Variants in RNF38 observed in about 807,000 individuals in gnomAD.
RNF38 encodes the protein ring finger protein 38, also known as E3 ubiquitin-protein ligase RNF38.
A neutral mutation model predicts 67.2 loss-of-function variants in RNF38; 15 were observed. The observed-to-expected ratio is 0.22, with a 90% confidence interval of 0.15 to 0.34. RNF38 has a LOEUF of 0.34. Ranked by LOEUF, RNF38 falls within the 10% of genes least tolerant of loss-of-function variation. The pLI is 1.00. For synonymous variants in RNF38, 220 were observed against 218.8 expected, an observed-to-expected ratio of 1.01 and a Z score of -0.05; for missense variants, 524 against 639.9, an observed-to-expected ratio of 0.82 and a Z score of 1.95.
intron 3 of RNF38, among the ~76,000 whole-genome samples, chr9:36,375,386 C>G (rs1835713266): frequency 6.6e-6 from 1 of 152,078 alleles, no homozygotes; most frequent in African/African-American, 2.4e-5. Flanking sequence ...GAGACAGGGT[C>G]TTGCTATGTT....
At chr9:36,487,591 G>T (rs1486110388), upstream of RNF38, 10 of 980,274 alleles carry the variant, frequency 1.0e-5, no homozygotes, top group Admixed American at 6.3e-5. Flanking sequence ...CTCCGGCTGC[G>T]ACTCGACTCC....
chr9:36,398,386 T>C (rs1405073944), intron 1 of RNF38, among the ~76,000 whole-genome samples: 5 of 152,114 alleles, frequency 3.3e-5, no homozygotes, highest in Non-Finnish European at 7.4e-5. Context: ...AGGGACAACA[T>C]AGCAAAACCC....
intron 2 of RNF38, among the ~76,000 whole-genome samples, chr9:36,382,179 T>TA (rs537847619): frequency 8.1e-4 from 124 of 152,342 alleles, no homozygotes; most frequent in African/African-American, 3.0e-3. Flanking sequence ...GTTGACAATT[T>TA]AAAATTCATA....
chr9:36,466,051 C>T (rs769001168), intron 1 of RNF38, among the ~76,000 whole-genome samples: 8 of 151,926 alleles, frequency 5.3e-5, no homozygotes, highest in Non-Finnish European at 1.2e-4. Context: ...GACTCTGTCT[C>T]GTGAAAAAGT....
At chr9:36,433,686 CAAAAAAAA>C (rs199573932) in intron 1 of RNF38, among the ~76,000 whole-genome samples, 4 of 68,846 alleles carry the variant, frequency 5.8e-5, no homozygotes, top group Non-Finnish European at 1.3e-4. Flanking sequence ...GACTTCGCCT[CAAAAAAAA>C]AAAAAAAAAG....
At chr9:36,437,324 G>A (rs1266405158) in intron 1 of RNF38, among the ~76,000 whole-genome samples, 2 of 152,118 alleles carry the variant, frequency 1.3e-5, no homozygotes, top group African/African-American at 4.8e-5. Flanking sequence ...GATGATGCAA[G>A]TGAGCCTAAA....
At chr9:36,435,395 G>T (rs1356402661) in intron 1 of RNF38, among the ~76,000 whole-genome samples, 1 of 152,120 alleles carries the variant, frequency 6.6e-6, no homozygotes. Context: ...ATTTTTAAAT[G>T]AGATGTGACC....
chr9:36,375,248 T>C (rs1245798901), intron 3 of RNF38, among the ~76,000 whole-genome samples: 1 of 152,188 alleles, frequency 6.6e-6, no homozygotes, highest in Non-Finnish European at 1.5e-5. Flanking sequence ...TAGAGTGCAG[T>C]GGAACAATCA....
At chr9:36,436,818 CAAAAAAAAAA>C (rs35428713) in intron 1 of RNF38, among the ~76,000 whole-genome samples, 1 of 80,344 alleles carries the variant, frequency 1.2e-5, no homozygotes, top group Non-Finnish European at 2.4e-5. Flanking sequence ...CGAGACTCCT[CAAAAAAAAAA>C]AAAAAAAAAA....
intron 1 of RNF38, among the ~76,000 whole-genome samples, chr9:36,438,103 A>G (rs565789652): frequency 9.7e-4 from 147 of 152,200 alleles, no homozygotes; most frequent in African/African-American, 3.2e-3. Flanking sequence ...TACCAGGCTC[A>G]GCTAATTTTT....
At position 36,339,570 on chromosome 9, in the gene RNF38, C is replaced by A; in HGVS notation, c.*182G>T. The A allele has an allele frequency of 5.3e-6, 3 of 561,276 alleles. No homozygotes were observed. Among genetic ancestry groups the A allele is most frequent in the Non-Finnish European group, 9.6e-6 (3 of 311,754 alleles). The allele number at this position is 561,276 out of a possible 1,614,324, so 34.8% of individuals were successfully genotyped here. On this transcript the variant is annotated 3_prime_UTR_variant, in exon 12 of 12. Transcript: ENST00000259605. ...CCAATCACACGGTTAGTATAACAATCCCATAACTGTGAAGACTAATTGTAA... is the reference window on the plus strand; with the variant it reads ...CCAATCACACGGTTAGTATAACAATACCATAACTGTGAAGACTAATTGTAA...
At chr9:36,487,663 C>T, upstream of RNF38, 6 of 773,008 alleles carry the variant, frequency 7.8e-6, no homozygotes, top group Non-Finnish European at 9.4e-6. Context: ...GGAGGCGGCT[C>T]CCGAAGGGGG....
At position 36,460,885 on chromosome 9, in the gene RNF38, CAAAAAA is replaced by C. The variant is rs752827635; in HGVS notation, n.241+26417_241+26422del. On this transcript the variant is annotated intron_variant and non_coding_transcript_variant, in intron 1 of 3. Coordinates refer to the RNF38 transcript ENST00000488058. ...CTGGGCAACAAGAGGGAAACTCTCT[CAAAAAA>C]AAAAAAAAAAAAAAAGAAAGAAAGA... Among the ~76,000 whole-genome samples the C allele has an allele frequency of 1.5e-4, 8 of 52,960 alleles. No individual in the cohort carries two copies. In the South Asian group the frequency reaches 5.3e-3, roughly 35 times the overall value. The allele number at this position is 52,960 out of a possible 152,430, so 34.7% of individuals were successfully genotyped here. A position where few individuals can be genotyped will look rare whatever the true frequency, so the allele number is the denominator to read the frequency against.
chr9:36,447,174 G>A (rs1185945490), intron 1 of RNF38, among the ~76,000 whole-genome samples: 1 of 151,722 alleles, frequency 6.6e-6, no homozygotes. Flanking sequence ...GTGATTAAGT[G>A]TGGCCAAAAA....
At chr9:36,340,424 T>C (rs7037130) in intron 11 of RNF38, among the ~76,000 whole-genome samples, 254 of 152,346 alleles carry the variant, frequency 1.7e-3, no homozygotes, top group African/African-American at 6.0e-3. Flanking sequence ...TAAACCCTGT[T>C]GCCCACAGGA....
chr9:36,457,024 A>G (rs1270245546), intron 1 of RNF38, among the ~76,000 whole-genome samples: 2 of 152,106 alleles, frequency 1.3e-5, no homozygotes, highest in African/African-American at 4.8e-5. Flanking sequence ...CTTCATCAAC[A>G]CCCACATCCT....
chr9:36,372,646 A>G, intron 3 of RNF38: 2 of 614,410 alleles, frequency 3.3e-6, no homozygotes, highest in Non-Finnish European at 6.0e-6. Context: ...CACTGCTGAA[A>G]AAAACACTAG....
Position 36,456,337 on chromosome 9 carries a change from G to A in RNF38, n.241+30971C>T, listed in dbSNP as rs75283852. On this transcript the variant is annotated intron_variant and non_coding_transcript_variant, in intron 1 of 3. Transcript: ENST00000488058. ...CTCCCAAAATGCTGGGATTACAGGC[G>A]TGAGCCACAGTAGCTGGTCTCAAAC... Among the ~76,000 whole-genome samples the A allele has an allele frequency of 2.4e-3, 371 of 152,292 alleles. 1 individual carries two copies. The highest frequency in any genetic ancestry group is 8.6e-3 in the African/African-American group (357 of 41,566).
intron 3 of RNF38, among the ~76,000 whole-genome samples, chr9:36,373,858 A>G (rs982811421): frequency 3.3e-5 from 5 of 151,102 alleles, no homozygotes; most frequent in African/African-American, 4.9e-5. Flanking sequence ...CACCCGGCTA[A>G]TTTTGTATTT....
Sources: gnomAD v4.1 joint callset for allele counts (sites outside exome capture counted in the v4.1 genomes callset) on GRCh38, gnomAD v4.1.1 for gene constraint, MANE v1.5 for transcripts, NCBI Gene and HGNC (gene_info 2026-07-23, HGNC 2026-07-21) for gene names.